TLK1: variants seen among roughly 807,000 people sequenced by gnomAD.
The protein encoded by TLK1 is tousled like kinase 1, also known as serine/threonine-protein kinase tousled-like 1.
TLK1 carries 24 observed loss-of-function variants against 105.3 expected under a neutral mutation model. The observed-to-expected ratio is 0.23, with a 90% CI of 0.17 to 0.32. TLK1 has a LOEUF of 0.32. Ranked by LOEUF, TLK1 falls within the 10% of genes least tolerant of loss-of-function variation. The probability of loss-of-function intolerance (pLI) is 1.00; values close to 1 mark genes in which losing one functional copy is unlikely to be tolerated. For missense variants in TLK1, 558 were observed against 910.5 expected, an observed-to-expected ratio of 0.61 and a Z score of 4.98; for synonymous variants, 321 against 310.4, an observed-to-expected ratio of 1.03 and a Z score of -0.36.
At chr2:171,175,804 C>G (rs1692810384) in intron 1 of TLK1, among the ~76,000 whole-genome samples, 1 of 152,186 alleles carries the variant, frequency 6.6e-6, no homozygotes, top group African/African-American at 2.4e-5. Flanking sequence ...CCCATGGACC[C>G]TGGTTCTCAA....
At chr2:171,230,087 T>G (rs995238740) in intron 1 of TLK1, among the ~76,000 whole-genome samples, 5 of 152,154 alleles carry the variant, frequency 3.3e-5, no homozygotes, top group Non-Finnish European at 7.4e-5. Context: ...GAAAAGCTAA[T>G]ACTTATTTCC....
chr2:171,037,417 G>A (rs1417335370), intron 11 of TLK1, among the ~76,000 whole-genome samples: 1 of 148,104 alleles, frequency 6.8e-6, no homozygotes, highest in Admixed American at 6.9e-5. Flanking sequence ...CTCCAGCCTG[G>A]GCAACAAGAG....
At chr2:171,089,787 G>A (rs1477006056) in intron 2 of TLK1, among the ~76,000 whole-genome samples, 6 of 152,070 alleles carry the variant, frequency 3.9e-5, no homozygotes, top group South Asian at 2.1e-4. Context: ...TGATCCTCCC[G>A]TTCAACCTCT....
At chr2:171,215,707 G>C (rs1403092368) in intron 1 of TLK1, among the ~76,000 whole-genome samples, 1 of 152,162 alleles carries the variant, frequency 6.6e-6, no homozygotes, top group Non-Finnish European at 1.5e-5. Flanking sequence ...TGGGGGCTTT[G>C]GAAGTCTCTT....
chr2:171,088,100 G>T (rs1385533817), intron 2 of TLK1, among the ~76,000 whole-genome samples: 1 of 152,130 alleles, frequency 6.6e-6, no homozygotes, highest in Non-Finnish European at 1.5e-5. Context: ...GGGGGCTGAA[G>T]TAGACGGATG....
chr2:171,015,688 TACACACACACATATACACAC>T (rs1271104724), intron 12 of TLK1, among the ~76,000 whole-genome samples: 1 of 4,264 alleles, frequency 2.3e-4, no homozygotes, highest in Non-Finnish European at 7.2e-4. Context: ...CATTCATTCA[TACACACACACATATACACAC>T]ACACACACAC....
At chr2:171,081,456 T>C (rs6761596) in intron 3 of TLK1, among the ~76,000 whole-genome samples, 60,635 of 152,100 alleles carry the variant, frequency 0.4, 13,674 homozygotes, top group African/African-American at 0.6. Context: ...ATATTCCCAA[T>C]TCTGGGAAAA....
At chr2:171,169,839 A>C (rs1692693516) in intron 1 of TLK1, among the ~76,000 whole-genome samples, 2 of 152,230 alleles carry the variant, frequency 1.3e-5, no homozygotes, top group Admixed American at 1.3e-4. Flanking sequence ...CAGATAGTTA[A>C]AAGCTATTGT....
chr2:171,006,039 C>G (rs1408652425), intron 18 of TLK1, 108 bp downstream of exon 18: 1 of 1,170,620 alleles, frequency 8.5e-7, no homozygotes, highest in Non-Finnish European at 1.2e-6. Context: ...AGTACCTTTA[C>G]CACAGTAATC....
At chr2:171,120,200 G>A (rs1690595325) in intron 1 of TLK1, among the ~76,000 whole-genome samples, 1 of 144,568 alleles carries the variant, frequency 6.9e-6, no homozygotes, top group Non-Finnish European at 1.5e-5. Context: ...AGTGAATCGA[G>A]GTCGTACCAC....
At chr2:171,214,448 A>T (rs1693677268) in intron 1 of TLK1, among the ~76,000 whole-genome samples, 1 of 152,150 alleles carries the variant, frequency 6.6e-6, no homozygotes, top group East Asian at 1.9e-4. Flanking sequence ...AGTTGTATAC[A>T]ACTTCACCCA....
At chr2:171,022,253 TGTGA>T (rs2105384146) in intron 12 of TLK1, among the ~76,000 whole-genome samples, 1 of 152,326 alleles carries the variant, frequency 6.6e-6, no homozygotes, top group South Asian at 2.1e-4. Flanking sequence ...CAGGTCCATA[TGTGA>T]GTAAGAGATA....
At chr2:171,032,166 C>G (rs575054094) in intron 11 of TLK1, among the ~76,000 whole-genome samples, 1 of 152,284 alleles carries the variant, frequency 6.6e-6, no homozygotes, top group South Asian at 2.1e-4. Flanking sequence ...GAAAGATTTT[C>G]TCCTAATACC....
intron 1 of TLK1, among the ~76,000 whole-genome samples, chr2:171,130,404 A>G (rs1050335547): frequency 1.0e-4 from 15 of 150,744 alleles, no homozygotes; most frequent in Admixed American, 2.7e-4. Context: ...TATCTCGGGG[A>G]AAAAAAAAAT....
chr2:171,107,276 T>C (rs1422762915), intron 2 of TLK1, among the ~76,000 whole-genome samples: 1 of 152,220 alleles, frequency 6.6e-6, no homozygotes, highest in Non-Finnish European at 1.5e-5. Flanking sequence ...TTGCTTATTA[T>C]GGTGGTGAGA....
At chr2:171,049,770 C>T (rs1361698587) in intron 10 of TLK1, 44 bp downstream of exon 10, 3 of 1,607,116 alleles carry the variant, frequency 1.9e-6, no homozygotes, top group Non-Finnish European at 2.5e-6. Context: ...GTAATGAAAA[C>T]CCAAACGAAT....
intron 1 of TLK1, among the ~76,000 whole-genome samples, chr2:171,125,590 T>C (rs1690836632): frequency 6.6e-6 from 1 of 152,182 alleles, no homozygotes; most frequent in South Asian, 2.1e-4. Flanking sequence ...CTTGAAGTAA[T>C]GAGAATGCCA....
intron 1 of TLK1, among the ~76,000 whole-genome samples, chr2:171,132,841 G>C (rs1691157434): frequency 6.6e-6 from 1 of 152,122 alleles, no homozygotes; most frequent in Non-Finnish European, 1.5e-5. Context: ...TTCCAGCCTA[G>C]GGAACAAAGT....
chr2:171,158,135 T>C (rs531798736), intron 1 of TLK1, among the ~76,000 whole-genome samples: 4 of 152,330 alleles, frequency 2.6e-5, no homozygotes, highest in African/African-American at 9.6e-5. Flanking sequence ...TAGTGAAATC[T>C]GAGAACACAT....
Sources: gnomAD v4.1 joint callset for allele counts (sites outside exome capture counted in the v4.1 genomes callset) on GRCh38, gnomAD v4.1.1 for gene constraint, MANE v1.5 for transcripts, NCBI Gene and HGNC (gene_info 2026-07-23, HGNC 2026-07-21) for gene names.